The following SH3GLB1 variants were observed in gnomAD, a reference collection of about 807,000 sequenced individuals.
SH3GLB1 encodes endophilin-B1.
Under a neutral mutation model 42.0 loss-of-function variants are expected in SH3GLB1, and 17 were observed. The observed-to-expected ratio is 0.40, with a 90% confidence interval of 0.28 to 0.61. The LOEUF is 0.61. Among genes scored for constraint, SH3GLB1 ranks in the 20% least tolerant of loss-of-function variants. The pLI is 0.36. For synonymous variants in SH3GLB1, 132 were observed against 146.6 expected (o/e 0.90, Z 0.72); for missense variants, 355 against 426.3 (o/e 0.83, Z 1.47).
chr1:86,734,784 A>T (rs1487356510), intron 6 of SH3GLB1, 93 bp downstream of exon 6: 1 of 816,050 alleles, frequency 1.2e-6, no homozygotes, highest in Non-Finnish European at 2.0e-6. Context: ...TCAGTCATTC[A>T]TCAAGGAAAT....
rs1656168614 is a variant in SH3GLB1 at position 86,743,642 on chromosome 1, T to G, written c.*407T>G. On this transcript the variant is annotated 3_prime_UTR_variant, in exon 9 of 9. Coordinates refer to ENST00000370558, the MANE Select transcript of SH3GLB1 (RefSeq NM_016009.5). ...AATAGCCAAAGAATAAAATTAAAAT[T>G]TATTTTAAACTTTCGGTCTTAAAAA... The G allele has an allele frequency of 6.5e-6, 1 of 152,940 alleles. No individual in the cohort carries two copies. Among genetic ancestry groups the G allele is most frequent in the East Asian group, 1.9e-4 (1 of 5,218 alleles). The allele number at this position is 152,940 out of a possible 1,614,324, so 9.5% of individuals were successfully genotyped here.
At chr1:86,742,572 T>G (rs1449423735) in intron 8 of SH3GLB1, 136 bp downstream of exon 8, 1 of 543,472 alleles carries the variant, frequency 1.8e-6, no homozygotes, top group Non-Finnish European at 3.2e-6. Flanking sequence ...AACATAAAAT[T>G]TTAATTAATA....
At chr1:86,710,457 G>C (rs1387721980) in intron 1 of SH3GLB1, among the ~76,000 whole-genome samples, 1 of 151,874 alleles carries the variant, frequency 6.6e-6, no homozygotes, top group African/African-American at 2.4e-5. Flanking sequence ...TAGAGACGGG[G>C]TTTCACCATG....
chr1:86,713,364 G>A (rs1654325559), intron 1 of SH3GLB1, among the ~76,000 whole-genome samples: 1 of 151,970 alleles, frequency 6.6e-6, no homozygotes, highest in Non-Finnish European at 1.5e-5. Context: ...TTACAGGCGG[G>A]GGCCCCTGCT....
At chr1:86,728,830 G>A (rs578004243) in intron 5 of SH3GLB1, among the ~76,000 whole-genome samples, 6 of 152,290 alleles carry the variant, frequency 3.9e-5, no homozygotes, top group African/African-American at 1.4e-4. Context: ...AAAGAAAGGT[G>A]TAAGGTAAAC....
At chr1:86,723,011 G>T (rs187913215) in intron 4 of SH3GLB1, among the ~76,000 whole-genome samples, 3 of 152,122 alleles carry the variant, frequency 2.0e-5, no homozygotes, top group African/African-American at 7.2e-5. Flanking sequence ...CATTTTTTAG[G>T]ATTTTAACTT....
Position 86,719,530 on chromosome 1 carries a change from T to C in SH3GLB1, c.238T>C (p.Tyr80His). 1 of 1,610,420 alleles carries C rather than the reference T, an allele frequency of 6.2e-7. No individual in the cohort carries two copies. The highest frequency in any genetic ancestry group is 8.5e-7 in the Non-Finnish European group (1 of 1,178,280). ...AGATGCCAGGATAGAAGAATTTGTT[T>C]ATGAGAAACTGGATAGAAAAGCTCC... Reference protein sequence around the residue: ...NPNARIEEFVYEKLDRKAPSR... With the variant: ...NPNARIEEFVHEKLDRKAPSR... The change falls in exon 3 of 9, where the codon TAT becomes CAT. Residue 80 changes from tyrosine to histidine, a missense_variant. Coordinates refer to ENST00000370558, the MANE Select transcript of SH3GLB1 (RefSeq NM_016009.5).
intron 5 of SH3GLB1, among the ~76,000 whole-genome samples, chr1:86,727,476 T>C (rs1258703130): frequency 6.6e-6 from 1 of 151,982 alleles, no homozygotes; most frequent in South Asian, 2.1e-4. Flanking sequence ...AAATATGAAG[T>C]TCTTTGAGTG....
chr1:86,742,100 T>C (rs1041093412), intron 7 of SH3GLB1, 108 bp from the exon 8 acceptor site: 1 of 719,328 alleles, frequency 1.4e-6, no homozygotes, highest in Admixed American at 2.6e-5. Flanking sequence ...TATCTATAAA[T>C]CTTTTCCAAT....
intron 2 of SH3GLB1, 104 bp from the exon 3 acceptor site, chr1:86,719,403 G>A (rs1654731569): frequency 1.2e-6 from 1 of 843,420 alleles, no homozygotes. Flanking sequence ...TTGAATGAAT[G>A]CTAACTTTAG....
intron 5 of SH3GLB1, among the ~76,000 whole-genome samples, chr1:86,731,987 T>C (rs1655534728): frequency 6.6e-6 from 1 of 152,080 alleles, no homozygotes; most frequent in Non-Finnish European, 1.5e-5. Context: ...ATCCCTTGAA[T>C]TTGGGAGGTG....
intron 1 of SH3GLB1, 57 bp downstream of exon 1, chr1:86,705,028 G>C: frequency 8.1e-7 from 1 of 1,229,516 alleles, no homozygotes; most frequent in African/African-American, 1.6e-5. Flanking sequence ...TGAGGGAGGG[G>C]ACCGCAGCTC....
chr1:86,705,365 C>T (rs1039380487), intron 1 of SH3GLB1, among the ~76,000 whole-genome samples: 1 of 152,176 alleles, frequency 6.6e-6, no homozygotes, highest in African/African-American at 2.4e-5. Context: ...ACCCCCCACC[C>T]TTTCCTTTCG....
intron 5 of SH3GLB1, among the ~76,000 whole-genome samples, chr1:86,731,741 G>T (rs769964997): frequency 1.3e-5 from 2 of 151,898 alleles, no homozygotes; most frequent in Non-Finnish European, 2.9e-5. Flanking sequence ...GATTTCAGGG[G>T]TTTTTTTCTT....
Position 86,734,671 on chromosome 1 carries a change from G to A in SH3GLB1, c.640G>A (p.Glu214Lys), listed in dbSNP as rs753201405. ...RQAEITRLLL[E>K]GISSTHAHHL... ...AGCAGAGATTACCAGACTTCTGCTAGAGGGAATCAGCAGTACACATGTGAG... is the reference window on the plus strand; with the variant it reads ...AGCAGAGATTACCAGACTTCTGCTAAAGGGAATCAGCAGTACACATGTGAG... Residue 214 changes from glutamate (E) to lysine (K), a missense_variant, in exon 6 of 9, where the codon GAG becomes AAG. By Grantham distance (56) the Glu-to-Lys change is moderately conservative. Transcript: ENST00000370558. The A allele has an allele frequency of 6.2e-6, 10 of 1,612,826 alleles. No individual in the cohort carries two copies. The highest frequency in any genetic ancestry group is 8.5e-6 in the Non-Finnish European group (10 of 1,178,974).
chr1:86,732,850 G>C (rs1319479429), intron 5 of SH3GLB1, among the ~76,000 whole-genome samples: 1 of 152,016 alleles, frequency 6.6e-6, no homozygotes, highest in Non-Finnish European at 1.5e-5. Context: ...AATAATGTCA[G>C]TTAGTAGGAT....
chr1:86,732,614 A>G (rs1655572034), intron 5 of SH3GLB1, among the ~76,000 whole-genome samples: 1 of 152,184 alleles, frequency 6.6e-6, no homozygotes, highest in South Asian at 2.1e-4. Flanking sequence ...TACCCTCTCT[A>G]AAGTCTAGAT....
intron 2 of SH3GLB1, among the ~76,000 whole-genome samples, chr1:86,718,341 G>A (rs568955531): frequency 7.9e-5 from 12 of 152,076 alleles, no homozygotes; most frequent in East Asian, 1.9e-4. Flanking sequence ...CCACCACACC[G>A]GGCCAAAATG....
Position 86,724,371 on chromosome 1 carries a change from TAAA to T in SH3GLB1, c.540_542del (p.Lys181del), listed in dbSNP as rs773895452. ...GATTTGGATGCTGCAAAAACGAGAC[TAAA>T]AAAGGCAAAAGCTGCAGAAACTAGA... is the stretch of plus-strand genomic sequence containing the variant. On this transcript the variant is annotated inframe_deletion, in exon 5 of 9. Coordinates refer to ENST00000370558, the MANE Select transcript of SH3GLB1 (RefSeq NM_016009.5). 4 of 1,603,818 alleles carry T rather than the reference TAAA, an allele frequency of 2.5e-6. No homozygotes were observed. The highest frequency in any genetic ancestry group is 3.4e-6 in the Non-Finnish European group (4 of 1,177,086).
Sources: gnomAD v4.1 joint callset for allele counts (sites outside exome capture counted in the v4.1 genomes callset) on GRCh38, gnomAD v4.1.1 for gene constraint, MANE v1.5 for transcripts, NCBI Gene and HGNC (gene_info 2026-07-23, HGNC 2026-07-21) for gene names.